Variants in TEX2 observed in about 807,000 individuals in gnomAD.
TEX2 encodes the protein testis-expressed protein 2.
A neutral mutation model predicts 106.9 loss-of-function variants in TEX2; 53 were observed. The observed-to-expected ratio is 0.50, with a 90% CI of 0.40 to 0.62. TEX2 has a LOEUF of 0.62. Ranked by LOEUF, TEX2 falls within the 20% of genes least tolerant of loss-of-function variation. The pLI, the probability that TEX2 is intolerant of heterozygous loss-of-function variation, is 0.00. For synonymous variants in TEX2, 523 were observed against 534.8 expected, an observed-to-expected ratio of 0.98 and a Z score of 0.30; for missense variants, 1,207 against 1,379.0, an observed-to-expected ratio of 0.88 and a Z score of 1.98.
At chr17:64,180,083 C>A (rs1348948376) in intron 5 of TEX2, among the ~76,000 whole-genome samples, 1 of 152,160 alleles carries the variant, frequency 6.6e-6, no homozygotes, top group African/African-American at 2.4e-5. Context: ...GTCTTTGAGT[C>A]CCATCCGATT....
Position 64,164,557 on chromosome 17 carries a change from G to A in TEX2, c.2672-3624C>T, listed in dbSNP as rs867606559. 3.3e-5 allele frequency among the ~76,000 whole-genome samples: 5 copies of A among 152,062 alleles called. No individual in the cohort carries two copies. In the South Asian group the frequency reaches 6.2e-4, roughly 19 times the overall value. On this transcript the variant is annotated intron_variant, in intron 7 of 11. Transcript: ENST00000584379. ...TTTTTCCACTCTTCAGTTTCACAGC[G>A]GCAGGATCAATTACCACTACCACCA...
intron 1 of TEX2, among the ~76,000 whole-genome samples, chr17:64,241,989 C>G (rs1555635827): frequency 6.6e-6 from 1 of 152,044 alleles, no homozygotes; most frequent in Non-Finnish European, 1.5e-5. Context: ...TACTTTTTGC[C>G]CCACAAGAAA....
intron 4 of TEX2, among the ~76,000 whole-genome samples, chr17:64,192,979 T>TA (rs1218458667): frequency 2.0e-5 from 3 of 152,220 alleles, no homozygotes. Flanking sequence ...ACCTGACTCA[T>TA]ACGTGCCAGT....
intron 1 of TEX2, among the ~76,000 whole-genome samples, chr17:64,252,060 C>A (rs1355680960): frequency 6.6e-6 from 1 of 152,152 alleles, no homozygotes; most frequent in Non-Finnish European, 1.5e-5. Flanking sequence ...CAAAATGGAG[C>A]CTCATGTCAG....
rs112108631 is a variant in TEX2 at position 64,168,534 on chromosome 17, T to C, written c.2671+2566A>G. On this transcript the variant is annotated intron_variant, in intron 7 of 11. Transcript: ENST00000584379. ...GTTAAGAAGCTTGACACTTAGGTGT[T>C]TGGTGAATTTTACTCAAAGCCTGAC... is the stretch of plus-strand genomic sequence containing the variant. Among the ~76,000 whole-genome samples, 572 of 152,270 alleles carry C rather than the reference T, an allele frequency of 3.8e-3. 3 individuals carry two copies. Among genetic ancestry groups the C allele is most frequent in the African/African-American group, 0.013 (558 of 41,550 alleles).
At position 64,153,297 on chromosome 17, in the gene TEX2, C is replaced by T. The variant is rs2143603223; in HGVS notation, c.2931-143G>A. 1 of 639,292 alleles carries T rather than the reference C, an allele frequency of 1.6e-6. No individual in the cohort carries two copies. Among genetic ancestry groups the T allele is most frequent in the East Asian group, 2.7e-5 (1 of 36,650 alleles). 39.6% of individuals were successfully genotyped at this position (639,292 alleles called of 1,614,324 possible). ...ATTCTGTGTTGGGGCGGGGGGCATC[C>T]TGTGCATTGCAGGGTGTTCAGCAGC... On this transcript the variant is annotated intron_variant, in intron 9 of 11. Coordinates refer to ENST00000584379, the MANE Select transcript of TEX2 (RefSeq NM_001288732.2). This position sits in a 1 kb window ranked among gnomAD's most constrained non-coding sequence, Gnocchi z 4.1.
At chr17:64,183,617 G>A (rs1300654687) in intron 5 of TEX2, among the ~76,000 whole-genome samples, 1 of 152,108 alleles carries the variant, frequency 6.6e-6, no homozygotes, top group Non-Finnish European at 1.5e-5. Flanking sequence ...TAATAGAGAT[G>A]GGATTTTGCC....
At position 64,213,093 on chromosome 17, in the gene TEX2, C is replaced by T. The variant is rs568625548; in HGVS notation, c.1125G>A (p.Glu375=). 337 of 1,614,208 alleles carry T rather than the reference C, an allele frequency of 2.1e-4. 3 individuals are homozygous for T. In the South Asian group the frequency reaches 3.4e-3, roughly 16 times the overall value. The change falls in exon 2 of 12, where the codon GAG becomes GAA. Residue 375 remains glutamate (E), a synonymous_variant. Transcript: ENST00000584379. This position sits in a 1 kb window ranked among gnomAD's most constrained non-coding sequence, Gnocchi z 4.4. Reference sequence around the variant, plus strand: ...TTTTCAGTTCTATCTCTCTTGTGGGCTCACCAGTGGACTTTGGGTGGTCAC... The same window carrying T: ...TTTTCAGTTCTATCTCTCTTGTGGGTTCACCAGTGGACTTTGGGTGGTCAC... ...PRSDHPKSTG[E]PTREIELKSS... is the part of the protein sequence containing the mutation.
chr17:64,203,064 T>C (rs2032720304), intron 2 of TEX2, among the ~76,000 whole-genome samples: 1 of 152,194 alleles, frequency 6.6e-6, no homozygotes, highest in Admixed American at 6.5e-5. Flanking sequence ...AATTAACCTT[T>C]TGCAAAATAA....
At chr17:64,224,272 A>G (rs187838599) in intron 1 of TEX2, among the ~76,000 whole-genome samples, 74 of 152,346 alleles carry the variant, frequency 4.9e-4, no homozygotes, top group Non-Finnish European at 1.0e-4. Flanking sequence ...GGAAAAGGCT[A>G]TAAGATTCTG....
intron 6 of TEX2, among the ~76,000 whole-genome samples, chr17:64,176,346 G>A (rs180830604): frequency 1.3e-5 from 2 of 152,278 alleles, no homozygotes; most frequent in Non-Finnish European, 2.9e-5. Flanking sequence ...CTAGTTTACC[G>A]TAGTTCACAG....
intron 2 of TEX2, among the ~76,000 whole-genome samples, chr17:64,203,381 G>A (rs996713233): frequency 2.0e-5 from 3 of 152,240 alleles, no homozygotes; most frequent in Non-Finnish European, 4.4e-5. Flanking sequence ...TAGAGCCAGG[G>A]CCTGAGGCCC....
chr17:64,176,131 C>T (rs1354637273), intron 6 of TEX2, among the ~76,000 whole-genome samples: 2 of 152,118 alleles, frequency 1.3e-5, no homozygotes, highest in Non-Finnish European at 2.9e-5. Context: ...TCAACAGAGC[C>T]CTCCCCCAAA....
At chr17:64,249,129 A>C (rs1555636643) in intron 1 of TEX2, among the ~76,000 whole-genome samples, 1 of 152,138 alleles carries the variant, frequency 6.6e-6, no homozygotes, top group Non-Finnish European at 1.5e-5. Flanking sequence ...GGAAAGCAAA[A>C]CCTCTCATTC....
chr17:64,259,916 C>T (rs1367155408), intron 1 of TEX2, among the ~76,000 whole-genome samples: 1 of 152,070 alleles, frequency 6.6e-6, no homozygotes, highest in Non-Finnish European at 1.5e-5. Flanking sequence ...GCTTTTTTTC[C>T]CCAGGAATGT....
rs187248993 is a variant in TEX2 at position 64,237,194 on chromosome 17, C to T, written c.-25-22952G>A. Among the ~76,000 whole-genome samples, 110 of 151,900 alleles carry T rather than the reference C, an allele frequency of 7.2e-4. 1 individual carries two copies. The highest frequency in any genetic ancestry group is 2.4e-3 in the African/African-American group (101 of 41,448). On this transcript the variant is annotated intron_variant, in intron 1 of 11. Coordinates refer to ENST00000584379, the MANE Select transcript of TEX2 (RefSeq NM_001288732.2). ...AGTCGAGCTGGCTAAGTGATGGCAG[C>T]GTGGGCATTCCAGAAACAAGAAGGG...
chr17:64,155,011 G>C (rs2030551762), intron 8 of TEX2, 44 bp from the exon 9 acceptor site: 1 of 1,506,112 alleles, frequency 6.6e-7, no homozygotes, highest in Non-Finnish European at 8.8e-7. Context: ...CCTCACCCAA[G>C]CTCTGCTTAG....
In TEX2 at chr17:64,171,081, A is replaced by G. The variant is rs2031372593; in HGVS notation, c.2671+19T>C. On this transcript the variant is annotated intron_variant, in intron 7 of 11. Coordinates refer to ENST00000584379, the MANE Select transcript of TEX2 (RefSeq NM_001288732.2). The stretch of plus-strand genomic sequence containing the variant: ...AAGGATATATTTTAACACTCATAGA[A>G]TGGTCAGTTAGGAGTTACCTTGGTG... 3 of 1,594,124 alleles carry G rather than the reference A, an allele frequency of 1.9e-6. No homozygotes were observed. Among genetic ancestry groups the G allele is most frequent in the Non-Finnish European group, 2.6e-6 (3 of 1,161,818 alleles).
At chr17:64,220,931 G>A (rs990540062) in intron 1 of TEX2, among the ~76,000 whole-genome samples, 4 of 152,130 alleles carry the variant, frequency 2.6e-5, no homozygotes, top group Non-Finnish European at 5.9e-5. Flanking sequence ...ATTCACAATA[G>A]TAAAGACACA....
Sources: gnomAD v4.1 joint callset for allele counts (sites outside exome capture counted in the v4.1 genomes callset) on GRCh38, gnomAD v4.1.1 for gene constraint, Gnocchi (gnomAD v3.1) non-coding constraint, MANE v1.5 for transcripts, NCBI Gene and HGNC (gene_info 2026-07-23, HGNC 2026-07-21) for gene names.